The following NCAPG2 variants were observed in gnomAD, a reference collection of about 807,000 sequenced individuals.
NCAPG2 encodes the protein non-SMC condensin II complex subunit G2.
NCAPG2 carries 53 observed loss-of-function variants against 141.1 expected under a neutral mutation model. That is an observed-to-expected ratio of 0.38 (90% confidence interval 0.30 to 0.47). The LOEUF (loss-of-function observed/expected upper bound fraction) is 0.47, where lower values mean the gene tolerates loss of function less well. Ranked by LOEUF, NCAPG2 falls within the 20% of genes least tolerant of loss-of-function variation. The pLI is 0.99. For synonymous variants in NCAPG2, 499 were observed against 490.7 expected (o/e 1.02, Z -0.22); for missense variants, 1,087 against 1,389.0 (o/e 0.78, Z 3.46).
In NCAPG2 at chr7:158,652,399, G is replaced by C; in HGVS notation, c.2828C>G (p.Ser943Ter). The change falls in exon 23 of 28, where the codon TCA (serine) becomes TGA (stop). Residue 943 changes from serine to a stop codon, truncating the protein, a stop_gained. Transcript: ENST00000356309. LOFTEE classifies it high-confidence loss of function. ...TGSSLIQKTD[S>*]DEEVAMLLDT... ...CAACAGCATTGCAACTTCTTCATCT[G>C]AATCTGTTTTCTGAATCAAGGAACT... is the stretch of plus-strand genomic sequence containing the variant. The C allele has an allele frequency of 6.2e-7, 1 of 1,613,428 alleles. No individual in the cohort carries two copies. Among genetic ancestry groups the C allele is most frequent in the East Asian group, 2.2e-5 (1 of 44,850 alleles).
Position 158,637,544 on chromosome 7 carries a change from G to A in NCAPG2, c.3381-5827C>T, listed in dbSNP as rs12673006. Among the ~76,000 whole-genome samples the A allele has an allele frequency of 6.5e-3, 901 of 137,924 alleles. 2 individuals are homozygous for A. The highest frequency in any genetic ancestry group is 0.042 in the East Asian group (152 of 3,642). The allele number at this position is 137,924 out of a possible 152,430, so 90.5% of individuals were successfully genotyped here. On this transcript the variant is annotated intron_variant, in intron 27 of 27. Transcript: ENST00000356309. The stretch of plus-strand genomic sequence containing the variant: ...ATCCGAGCCACACACAGGAGCCTGT[G>A]GGACTCAAGAGAGTAGGCTTTCCAG...
chr7:158,703,018 G>A (rs1274866910), intron 1 of NCAPG2, among the ~76,000 whole-genome samples: 2 of 152,130 alleles, frequency 1.3e-5, no homozygotes, highest in Admixed American at 1.3e-4. Flanking sequence ...GCAAATACTT[G>A]CCATTGTATT....
intron 12 of NCAPG2, among the ~76,000 whole-genome samples, chr7:158,674,286 AAAT>A (rs1216756802): frequency 1.1e-3 from 85 of 78,300 alleles, no homozygotes; most frequent in African/African-American, 3.9e-3. Context: ...AGAAAAAAAA[AAAT>A]TTTTTTTTTT....
chr7:158,683,807 C>T (rs2129468024), intron 8 of NCAPG2, among the ~76,000 whole-genome samples: 1 of 152,332 alleles, frequency 6.6e-6, no homozygotes, highest in Non-Finnish European at 1.5e-5. Context: ...AACAGAACTA[C>T]CTCTACGGCG....
At chr7:158,642,069 T>C (rs550686052) in intron 27 of NCAPG2, among the ~76,000 whole-genome samples, 105 of 152,094 alleles carry the variant, frequency 6.9e-4, no homozygotes, top group Non-Finnish European at 1.3e-3. Flanking sequence ...ACAATGGAAT[T>C]AAAAAAGAAA....
intron 11 of NCAPG2, among the ~76,000 whole-genome samples, chr7:158,678,597 T>C (rs1834247787): frequency 6.6e-6 from 1 of 151,932 alleles, no homozygotes; most frequent in South Asian, 2.1e-4. Context: ...CTTGACCTCC[T>C]GGGTTCAAGC....
chr7:158,656,830 A>G (rs1214621186), intron 17 of NCAPG2, 125 bp from the exon 18 acceptor site: 20 of 1,097,452 alleles, frequency 1.8e-5, no homozygotes, highest in Non-Finnish European at 2.4e-5. Context: ...TTATATTAGC[A>G]CTTCCATGCT....
At chr7:158,655,073 C>G (rs375015195) in intron 21 of NCAPG2, 45 bp downstream of exon 21, 2 of 1,544,910 alleles carry the variant, frequency 1.3e-6, no homozygotes, top group Admixed American at 4.2e-5. Flanking sequence ...TGAAACATAA[C>G]AAACTTGGTA....
chr7:158,655,797 C>T (rs1365159578), intron 19 of NCAPG2, among the ~76,000 whole-genome samples: 1 of 152,286 alleles, frequency 6.6e-6, no homozygotes, highest in African/African-American at 2.4e-5. Context: ...TTGAGGGCAG[C>T]GTAACAGGGT....
At chr7:158,662,491 TCTA>T in intron 15 of NCAPG2, 124 bp from the exon 16 acceptor site, 1 of 800,944 alleles carries the variant, frequency 1.2e-6, no homozygotes, top group Non-Finnish European at 1.8e-6. Flanking sequence ...TTTCACGTCT[TCTA>T]CTCTCCACTT....
At position 158,664,688 on chromosome 7, in the gene NCAPG2, C is replaced by T; in HGVS notation, c.1542G>A (p.Val514=). The change falls in exon 14 of 28, where the codon GTG becomes GTA. Residue 514 remains valine (V), a synonymous_variant. Transcript: ENST00000356309. ...AGATGAGGCTCACCAGGCGCCGAGA[C>T]ACAGGTCGAGAATCAGTTTCCAGAC... ...LVRLETDSRP[V]SRRLVSLIFN... 1 of 1,614,116 alleles carries T rather than the reference C, an allele frequency of 6.2e-7. No individual in the cohort carries two copies. The highest frequency in any genetic ancestry group is 8.5e-7 in the Non-Finnish European group (1 of 1,180,028).
rs1196024335 is a variant in NCAPG2, at chr7:158,693,337, T to C, written c.239A>G (p.Asn80Ser). The C allele has an allele frequency of 1.2e-6, 2 of 1,613,200 alleles. No homozygotes were observed. Among genetic ancestry groups the C allele is most frequent in the African/African-American group, 2.7e-5 (2 of 75,014 alleles). ...TTTTGAGCCATGTTCGGTTTCCATATTGTCTTCACCCTGGGCTTCCACTAC... is the reference window on the plus strand; with the variant it reads ...TTTTGAGCCATGTTCGGTTTCCATACTGTCTTCACCCTGGGCTTCCACTAC... ...WQVVEAQGED[N>S]METEHGSKMR... is the part of the protein sequence containing the mutation. The change falls in exon 3 of 28, where the codon AAT becomes AGT. Residue 80 changes from asparagine (N) to serine (S), a missense_variant. Physicochemically the swap from Asn to Ser is conservative, Grantham distance 46 (BLOSUM62 1). Transcript: ENST00000356309.
Position 158,690,615 on chromosome 7 carries a change from T to C in NCAPG2, c.490A>G (p.Lys164Glu). The change falls in exon 5 of 28, where the codon AAG (lysine) becomes GAG (glutamate). Residue 164 changes from lysine to glutamate, a missense_variant. Coordinates refer to ENST00000356309, the MANE Select transcript of NCAPG2 (RefSeq NM_017760.7). ...KGLPAKEDTG[K>E]TAFVMLLRRS... ...CTTAGTAACATGACAAAGGCTGTCT[T>C]TCCTGTGTCTTCCTTGGCAGGCAGG... 1 of 1,614,178 alleles carries C rather than the reference T, an allele frequency of 6.2e-7. No homozygotes were observed. Among genetic ancestry groups the C allele is most frequent in the Non-Finnish European group, 8.5e-7 (1 of 1,180,006 alleles).
Position 158,690,711 on chromosome 7 carries a change from C to A in NCAPG2, c.394G>T (p.Ala132Ser). ...CVIILNGILYALPESERKLQS... is the reference protein window; with the variant it reads ...CVIILNGILYSLPESERKLQS... ...AGTTTTCGTTCAGACTCAGGTAATG[C>A]ATATAAAATACCTAAAATACAGCAC... is the stretch of plus-strand genomic sequence containing the variant. The change falls in exon 5 of 28, where the codon GCA becomes TCA. Residue 132 changes from alanine to serine, a missense_variant. Ala to Ser is a moderately conservative substitution (Grantham distance 99). Coordinates refer to ENST00000356309, the MANE Select transcript of NCAPG2 (RefSeq NM_017760.7). 3 of 1,613,658 alleles carry A rather than the reference C, an allele frequency of 1.9e-6. No individual in the cohort carries two copies. Among genetic ancestry groups the A allele is most frequent in the Non-Finnish European group, 2.5e-6 (3 of 1,179,770 alleles).
intron 27 of NCAPG2, among the ~76,000 whole-genome samples, chr7:158,632,073 A>C (rs528130058): frequency 1.3e-5 from 2 of 152,194 alleles, no homozygotes; most frequent in South Asian, 4.1e-4. Flanking sequence ...TTACACAAGA[A>C]AACAAGATAA....
chr7:158,655,916 C>A (rs973983050), intron 19 of NCAPG2, among the ~76,000 whole-genome samples: 9 of 152,228 alleles, frequency 5.9e-5, no homozygotes, highest in Non-Finnish European at 1.3e-4. Context: ...CCAGAAAAAA[C>A]TGCCAAGGAC....
rs1464020442 is a variant in NCAPG2 at position 158,692,890 on chromosome 7, C to T, written c.334G>A (p.Glu112Lys). 8 of 1,594,364 alleles carry T rather than the reference C, an allele frequency of 5.0e-6. No individual in the cohort carries two copies. In the African/African-American group the frequency reaches 8.1e-5, roughly 16 times the overall value. The change falls in exon 4 of 28, where the codon GAA (glutamate) becomes AAA (lysine). Residue 112 changes from glutamate to lysine, a missense_variant. Physicochemically the swap from Glu to Lys is moderately conservative, Grantham distance 56. Transcript: ENST00000356309. Reference protein sequence around the residue: ...VILASVSVINESENYEALLEC... With the variant: ...VILASVSVINKSENYEALLEC... Reference sequence around the variant, plus strand: ...AGTAGGGCTTCGTAGTTCTCACTTTCATTTATTACAGACACAGAAGCAAGA... The same window carrying T: ...AGTAGGGCTTCGTAGTTCTCACTTTTATTTATTACAGACACAGAAGCAAGA...
chr7:158,689,545 A>T (rs891819172), intron 6 of NCAPG2, among the ~76,000 whole-genome samples: 3 of 152,280 alleles, frequency 2.0e-5, no homozygotes, highest in African/African-American at 2.4e-5. Context: ...GTGCTTTCTC[A>T]ACCTTATTTT....
At chr7:158,675,983 C>G (rs932670501) in intron 11 of NCAPG2, among the ~76,000 whole-genome samples, 2 of 152,272 alleles carry the variant, frequency 1.3e-5, no homozygotes, top group East Asian at 3.9e-4. Flanking sequence ...GTACACCACG[C>G]TTTTGAATTC....
Sources: allele counts gnomAD v4.1 joint callset (sites outside exome capture counted in the v4.1 genomes callset), GRCh38; gene constraint gnomAD v4.1.1; transcripts MANE v1.5; gene names NCBI Gene and HGNC (gene_info 2026-07-23, HGNC 2026-07-21).